The following PCDHGA7 variants were observed in gnomAD, a reference collection of about 807,000 sequenced individuals.
PCDHGA7 encodes protocadherin gamma-A7.
In PCDHGA7, 44 loss-of-function variants were observed where a neutral mutation model predicts 58.3. The ratio of observed to expected loss-of-function variants is 0.75; its 90% CI spans 0.59 to 0.97. The LOEUF (loss-of-function observed/expected upper bound fraction) is 0.97. PCDHGA7 is among the 50% of genes least tolerant of loss of function. The pLI is 0.00. For missense variants in PCDHGA7, 1,266 were observed against 1,188.7 expected (o/e 1.06, Z -0.96); for synonymous variants, 516 against 504.2 (o/e 1.02, Z -0.31).
At position 141,511,237 on chromosome 5, in the gene PCDHGA7, TG is replaced by T; in HGVS notation, c.*65del. 1 of 1,590,378 alleles carries T rather than the reference TG, an allele frequency of 6.3e-7. No individual in the cohort carries two copies. Among genetic ancestry groups the T allele is most frequent in the Non-Finnish European group, 8.6e-7 (1 of 1,168,304 alleles). On this transcript the variant is annotated 3_prime_UTR_variant, in exon 4 of 4. Transcript: ENST00000518325. ...CCAACCAGCCCAGCTTCTCCTTACC[TG>T]CACCCAGGCCTCAGAGTTTCAGGGC...
At position 141,454,796 on chromosome 5, in the gene PCDHGA7, A is replaced by ATTTTTTTTTTTTTTTTTTTT. The variant is rs61612330; in HGVS notation, c.2425-40001_2425-39982dup. Among the ~76,000 whole-genome samples, 20 of 77,456 alleles carry ATTTTTTTTTTTTTTTTTTTT rather than the reference A, an allele frequency of 2.6e-4. 2 individuals carry two copies. Among genetic ancestry groups the ATTTTTTTTTTTTTTTTTTTT allele is most frequent in the South Asian group, 5.1e-4 (1 of 1,960 alleles). The allele number at this position is 77,456 out of a possible 152,430, so 50.8% of individuals were successfully genotyped here. On this transcript the variant is annotated intron_variant, in intron 1 of 3. Transcript: ENST00000518325. Reference sequence around the variant, plus strand: ...AAGGAAATAATCCTCCATGGTTCTAATTTTTTTTTTTTTTTTTTTTTTTTT... The same window carrying ATTTTTTTTTTTTTTTTTTTT: ...AAGGAAATAATCCTCCATGGTTCTAATTTTTTTTTTTTTTTTTTTTTTTTTTTTTTTTTTTTTTTTTTTTT...
rs1561663429 is a variant in PCDHGA7 at position 141,398,237 on chromosome 5, T to C, written c.2424+12914T>C. 4.1e-6 allele frequency: 6 copies of C among 1,479,416 alleles called. No homozygotes were observed. In the African/African-American group the frequency reaches 8.6e-5, roughly 21 times the overall value. The allele number at this position is 1,479,416 out of a possible 1,614,324, so 91.6% of individuals were successfully genotyped here. ...CTCTGTGAGCAGATCCGCTACAGGA[T>C]TCCCGAGGAAATGCCCAAGGGCTCC... On this transcript the variant is annotated intron_variant, in intron 1 of 3. Transcript: ENST00000518325.
rs113212669 is a variant in PCDHGA7 at position 141,465,048 on chromosome 5, A to T, written c.2425-29759A>T. 2.4e-3 allele frequency among the ~76,000 whole-genome samples: 362 copies of T among 151,344 alleles called. 4 individuals are homozygous for T. Among genetic ancestry groups the T allele is most frequent in the African/African-American group, 8.4e-3 (346 of 41,268 alleles). On this transcript the variant is annotated intron_variant, in intron 1 of 3. Transcript: ENST00000518325. ...TGAACCACCACAAATGACCCTATAT[A>T]TTTTTTTGAATTGTCTGTTCATGTC...
intron 1 of PCDHGA7, chr5:141,419,658 A>C: frequency 1.9e-6 from 3 of 1,612,782 alleles, no homozygotes; most frequent in Non-Finnish European, 2.5e-6. Context: ...GACTCGGGGC[A>C]CAATGCCTGG....
rs2099883850 is a variant in PCDHGA7, at chr5:141,511,565, A to T, written c.*392A>T. The T allele has an allele frequency of 3.4e-6, 1 of 295,974 alleles. No homozygotes were observed. Among genetic ancestry groups the T allele is most frequent in the African/African-American group, 2.2e-5 (1 of 46,502 alleles). The allele number at this position is 295,974 out of a possible 1,614,324, so 18.3% of individuals were successfully genotyped here. The stretch of plus-strand genomic sequence containing the variant: ...CCACTCCAACAGTTCCTCTTTCCCG[A>T]GTAAGGTGGTTGGGGTGTTGAAGTA... On this transcript the variant is annotated 3_prime_UTR_variant, in exon 4 of 4. Coordinates refer to ENST00000518325, the MANE Select transcript of PCDHGA7 (RefSeq NM_018920.4).
intron 1 of PCDHGA7, among the ~76,000 whole-genome samples, chr5:141,455,177 T>C (rs2098816411): frequency 6.6e-6 from 1 of 152,040 alleles, no homozygotes; most frequent in Non-Finnish European, 1.5e-5. Context: ...TTTTAGTTTT[T>C]TTATTTCTCT....
Position 141,384,834 on chromosome 5 carries a change from C to T in PCDHGA7, c.1935C>T (p.Ala645=), listed in dbSNP as rs369584315. 6.0e-5 allele frequency: 97 copies of T among 1,613,478 alleles called. No individual in the cohort carries two copies. The African/African-American group carries it at 1.2e-3, about 19-fold the overall frequency. Residue 645 remains alanine (A), a synonymous_variant, in exon 1 of 4, where the codon GCC becomes GCT. Coordinates refer to ENST00000518325, the MANE Select transcript of PCDHGA7 (RefSeq NM_018920.4). The stretch of plus-strand genomic sequence containing the variant: ...CCCTCAAGCAGAGCCTCGTGGTGGC[C>T]GTCCAGGACCACGGTCAGCCTCCTC... ...RDALKQSLVV[A]VQDHGQPPLS... is the part of the protein sequence containing the mutation.
At chr5:141,497,464 T>G (rs1277760390) in intron 2 of PCDHGA7, among the ~76,000 whole-genome samples, 1 of 151,764 alleles carries the variant, frequency 6.6e-6, no homozygotes, top group Non-Finnish European at 1.5e-5. Flanking sequence ...CTTGGAGATA[T>G]GGAGGAGAAG....
chr5:141,428,081 C>T (rs768842388), intron 1 of PCDHGA7: 2 of 1,609,218 alleles, frequency 1.2e-6, no homozygotes, highest in Non-Finnish European at 1.7e-6. Context: ...CGGGACACAA[C>T]GCTTGGCTGT....
At chr5:141,414,400 G>C (rs768269499) in intron 1 of PCDHGA7, 1 of 1,613,878 alleles carries the variant, frequency 6.2e-7, no homozygotes, top group Admixed American at 1.7e-5. Context: ...TTACAGATTG[G>C]TGATACACAG....
At chr5:141,461,830 CTT>C (rs1030113508) in intron 1 of PCDHGA7, among the ~76,000 whole-genome samples, 1 of 145,180 alleles carries the variant, frequency 6.9e-6, no homozygotes, top group Non-Finnish European at 1.5e-5. Context: ...ATTTTTTTTT[CTT>C]TTTTTTTTGA....
At chr5:141,453,852 T>A (rs905734700) in intron 1 of PCDHGA7, among the ~76,000 whole-genome samples, 5 of 152,164 alleles carry the variant, frequency 3.3e-5, no homozygotes, top group African/African-American at 1.2e-4. Context: ...ACAGAGCACT[T>A]TGAAAATAAC....
intron 2 of PCDHGA7, among the ~76,000 whole-genome samples, chr5:141,499,575 T>TCCCTA (rs2099792820): frequency 1.3e-5 from 2 of 152,202 alleles, no homozygotes; most frequent in Non-Finnish European, 2.9e-5. Context: ...CTTCAACTAA[T>TCCCTA]GCCTTATCTT....
Position 141,491,987 on chromosome 5 carries a change from T to A in PCDHGA7, c.2425-2820T>A. The A allele has an allele frequency of 1.4e-6, 1 of 736,922 alleles. No individual in the cohort carries two copies. The highest frequency in any genetic ancestry group is 2.0e-6 in the Non-Finnish European group (1 of 490,378). The allele number at this position is 736,922 out of a possible 1,614,324, so 45.6% of individuals were successfully genotyped here. On this transcript the variant is annotated intron_variant, in intron 1 of 3. Coordinates refer to ENST00000518325, the MANE Select transcript of PCDHGA7 (RefSeq NM_018920.4). The surrounding 1 kb of genome is among the most constrained non-coding windows in gnomAD (Gnocchi z 6.9). ...GCCGGGGCCTCCTTCGAGCTTCCGG[T>A]GAATTTCGGGCGATTTCCGCGGGTG...
rs1283688342 is a variant in PCDHGA7, at chr5:141,437,688, T to G, written c.2424+52365T>G. On this transcript the variant is annotated intron_variant, in intron 1 of 3. Transcript: ENST00000518325. ...GAGATGTTGATCAAACTGATGAGGCTAAATCTCAAGAAAGAGACACAGTTA... is the reference window on the plus strand; with the variant it reads ...GAGATGTTGATCAAACTGATGAGGCGAAATCTCAAGAAAGAGACACAGTTA... Among the ~76,000 whole-genome samples the G allele has an allele frequency of 4.0e-5, 6 of 151,890 alleles. 1 individual carries two copies. The East Asian group carries it at 1.2e-3, about 29-fold the overall frequency.
intron 1 of PCDHGA7, chr5:141,408,720 A>G (rs1325828281): frequency 6.2e-7 from 1 of 1,611,214 alleles, no homozygotes; most frequent in African/African-American, 1.3e-5. Context: ...TATAAGATAA[A>G]CTCTAATCCT....
At chr5:141,427,693 C>G in intron 1 of PCDHGA7, 1 of 909,726 alleles carries the variant, frequency 1.1e-6, no homozygotes, top group Non-Finnish European at 1.8e-6. Flanking sequence ...GCCTCCATCC[C>G]ACAAGTCAGC....
intron 2 of PCDHGA7, among the ~76,000 whole-genome samples, chr5:141,502,827 A>G (rs1003204508): frequency 2.7e-5 from 4 of 150,478 alleles, no homozygotes; most frequent in African/African-American, 9.8e-5. Flanking sequence ...TCCTTGGGGA[A>G]GCCTGGACTG....
chr5:141,413,442 C>T, intron 1 of PCDHGA7: 5 of 1,614,090 alleles, frequency 3.1e-6, no homozygotes, highest in Non-Finnish European at 8.5e-7. Flanking sequence ...GCAGCTTGAT[C>T]ACCGCGGGCA....
Sources: allele counts gnomAD v4.1 joint callset (sites outside exome capture counted in the v4.1 genomes callset), GRCh38; gene constraint gnomAD v4.1.1; non-coding constraint Gnocchi (gnomAD v3.1); transcripts MANE v1.5; gene names NCBI Gene and HGNC (gene_info 2026-07-23, HGNC 2026-07-21).